SLC12A6: variants seen among roughly 807,000 people sequenced by gnomAD.
SLC12A6 encodes K-Cl cotransporter 3.
Under a neutral mutation model 135.3 loss-of-function variants are expected in SLC12A6, and 66 were observed. The observed-to-expected ratio is 0.49, with a 90% confidence interval of 0.40 to 0.60. The LOEUF is 0.60. Among genes scored for constraint, SLC12A6 ranks in the 20% least tolerant of loss-of-function variants. The pLI is 0.00. For missense variants in SLC12A6, 1,058 were observed against 1,452.3 expected (o/e 0.73, Z 4.41); for synonymous variants, 513 against 508.8 (o/e 1.01, Z -0.11).
chr15:34,277,082 C>T (rs1894345920), intron 2 of SLC12A6, among the ~76,000 whole-genome samples: 1 of 152,120 alleles, frequency 6.6e-6, no homozygotes, highest in Non-Finnish European at 1.5e-5. Flanking sequence ...TTTCCCCAAA[C>T]ATACCAGCAA....
intron 4 of SLC12A6, 138 bp downstream of exon 4, chr15:34,260,788 T>A: frequency 1.6e-6 from 1 of 626,386 alleles, no homozygotes; most frequent in Non-Finnish European, 2.9e-6. Context: ...AAATTTACTA[T>A]AATAACAAGT....
chr15:34,315,599 C>G (rs1470216472), intron 2 of SLC12A6, among the ~76,000 whole-genome samples: 1 of 152,046 alleles, frequency 6.6e-6, no homozygotes, highest in Non-Finnish European at 1.5e-5. Flanking sequence ...AAGGTATGTA[C>G]ACTGTTTTTT....
chr15:34,245,422 TA>T lies in SLC12A6; in HGVS notation c.1825-20del, dbSNP rs773265201. The T allele has an allele frequency of 1.5e-6, 2 of 1,361,116 alleles. No homozygotes were observed. Among genetic ancestry groups the T allele is most frequent in the South Asian group, 2.3e-5 (2 of 86,036 alleles). The allele number at this position is 1,361,116 out of a possible 1,614,324, so 84.3% of individuals were successfully genotyped here. A position where few individuals can be genotyped will look rare whatever the true frequency, so the allele number is the denominator to read the frequency against. ...CAAAAACCTGTACACAGAAGGGAAATATCAGGCACAGGAGTACTGAGTCATT... is the reference window on the plus strand; with the variant it reads ...CAAAAACCTGTACACAGAAGGGAAATTCAGGCACAGGAGTACTGAGTCATT... On this transcript the variant is annotated intron_variant, in intron 14 of 25. Coordinates refer to ENST00000354181, the MANE Select transcript of SLC12A6 (RefSeq NM_001365088.1).
intron 3 of SLC12A6, among the ~76,000 whole-genome samples, chr15:34,261,499 C>T (rs887510734): frequency 6.6e-6 from 1 of 152,090 alleles, no homozygotes; most frequent in African/African-American, 2.4e-5. Context: ...GGGTTCACCA[C>T]GTTGGCCAGG....
At chr15:34,310,134 G>A (rs1888049243) in intron 2 of SLC12A6, among the ~76,000 whole-genome samples, 2 of 151,688 alleles carry the variant, frequency 1.3e-5, no homozygotes, top group South Asian at 4.2e-4. Flanking sequence ...TCAGCCTTCC[G>A]AGTAGCTGGG....
intron 13 of SLC12A6, among the ~76,000 whole-genome samples, chr15:34,249,169 A>G (rs1892213322): frequency 6.6e-6 from 1 of 152,246 alleles, no homozygotes; most frequent in Admixed American, 6.5e-5. Context: ...GATTATTACA[A>G]TAACATAGGC....
Position 34,245,322 on chromosome 15 carries a change from T to G in SLC12A6, c.1906A>C (p.Ile636Leu), listed in dbSNP as rs755201886. The G allele has an allele frequency of 3.7e-6, 6 of 1,611,154 alleles. No homozygotes were observed. The highest frequency in any genetic ancestry group is 5.1e-6 in the Non-Finnish European group (6 of 1,177,294). ...TAAIAELGILIASLDLVAPIL... is the reference protein window; with the variant it reads ...TAAIAELGILLASLDLVAPIL... ...GGGGCCACAAGATCCAGGGAGGCAA[T>G]GAGTATTCCAAGCTCTGCAATGGCA... Residue 636 changes from isoleucine to leucine, a missense_variant, in exon 15 of 26, where the codon ATT becomes CTT. By Grantham distance (5) the Ile-to-Leu change is conservative. Transcript: ENST00000354181.
chr15:34,257,290 T>C (rs1892819831), intron 6 of SLC12A6, among the ~76,000 whole-genome samples: 1 of 152,230 alleles, frequency 6.6e-6, no homozygotes, highest in African/African-American at 2.4e-5. Flanking sequence ...TCTCAATATA[T>C]ACTGGAGTGA....
intron 3 of SLC12A6, among the ~76,000 whole-genome samples, chr15:34,268,645 C>T (rs1267743913): frequency 1.3e-5 from 2 of 152,052 alleles, no homozygotes; most frequent in East Asian, 1.9e-4. Flanking sequence ...GTTGTGACCC[C>T]AAGAAATACC....
chr15:34,257,780 T>G lies in SLC12A6; in HGVS notation c.552A>C (p.Gln184His), dbSNP rs201113212. ...GGTAGACACCCATGAAGGTACCCAT[T>G]TGGGGGGTCTAGAAAGAAAGACATT... ...EGKKKPTKTP[Q>H]MGTFMGVYLP... The change falls in exon 6 of 26, where the codon CAA (glutamine) becomes CAC (histidine). Residue 184 changes from glutamine (Q) to histidine (H), a missense_variant. By Grantham distance (24) the Gln-to-His change is conservative (BLOSUM62 0). Coordinates refer to ENST00000354181, the MANE Select transcript of SLC12A6 (RefSeq NM_001365088.1). 6.2e-7 allele frequency: 1 copy of G among 1,603,720 alleles called. No individual in the cohort carries two copies. Among genetic ancestry groups the G allele is most frequent in the Admixed American group, 1.7e-5 (1 of 59,982 alleles).
intron 2 of SLC12A6, among the ~76,000 whole-genome samples, chr15:34,290,819 T>C (rs1895464867): frequency 6.6e-6 from 1 of 152,172 alleles, no homozygotes; most frequent in African/African-American, 2.4e-5. Flanking sequence ...TTTATTTTTG[T>C]TTTTCATTTC....
At chr15:34,299,006 T>C (rs1896066713) in intron 2 of SLC12A6, among the ~76,000 whole-genome samples, 1 of 152,228 alleles carries the variant, frequency 6.6e-6, no homozygotes, top group Non-Finnish European at 1.5e-5. Flanking sequence ...CAAGTGACAC[T>C]GCCAGGAGAC....
At chr15:34,239,971 T>G (rs1891531702) in intron 19 of SLC12A6, among the ~76,000 whole-genome samples, 1 of 152,266 alleles carries the variant, frequency 6.6e-6, no homozygotes, top group South Asian at 2.1e-4. Context: ...TTTAAATACT[T>G]TAAGTTTTAG....
At chr15:34,333,088 A>G (rs143073054) in intron 2 of SLC12A6, among the ~76,000 whole-genome samples, 11 of 152,262 alleles carry the variant, frequency 7.2e-5, no homozygotes, top group African/African-American at 2.6e-4. Flanking sequence ...TTTGATCAGA[A>G]TAAGATTCTA....
In SLC12A6 at chr15:34,245,460, T is replaced by G. The variant is rs949591938; in HGVS notation, c.1825-57A>C. Reference sequence around the variant, plus strand: ...AGTACTGAGTCATTGCTCTCTGATTTCTCTAGCCTACAGTTTTCAGACATC... The same window carrying G: ...AGTACTGAGTCATTGCTCTCTGATTGCTCTAGCCTACAGTTTTCAGACATC... On this transcript the variant is annotated intron_variant, in intron 14 of 25. Coordinates refer to ENST00000354181, the MANE Select transcript of SLC12A6 (RefSeq NM_001365088.1). 3 of 1,056,988 alleles carry G rather than the reference T, an allele frequency of 2.8e-6. No homozygotes were observed. In the South Asian group the frequency reaches 3.8e-5, roughly 13 times the overall value. 65.5% of individuals were successfully genotyped at this position (1,056,988 alleles called of 1,614,324 possible). A position where few individuals can be genotyped will look rare whatever the true frequency, so the allele number is the denominator to read the frequency against.
At chr15:34,294,741 T>C (rs1895767525) in intron 2 of SLC12A6, among the ~76,000 whole-genome samples, 1 of 151,942 alleles carries the variant, frequency 6.6e-6, no homozygotes, top group African/African-American at 2.4e-5. Flanking sequence ...CTAATTTATT[T>C]GGTAGAGACA....
In SLC12A6 at chr15:34,234,040, T is replaced by C. The variant is rs879011763; in HGVS notation, c.3362-68A>G. ...CTTAAAACCTGGCATCATCATAATCTGAGGTTATCTGATCATAGAGCTACA... is the reference window on the plus strand; with the variant it reads ...CTTAAAACCTGGCATCATCATAATCCGAGGTTATCTGATCATAGAGCTACA... On this transcript the variant is annotated intron_variant, in intron 25 of 25. Transcript: ENST00000354181. 6.0e-5 allele frequency: 49 copies of C among 813,556 alleles called. 1 individual carries two copies. The South Asian group carries it at 6.3e-4, about 10-fold the overall frequency. 50.4% of individuals were successfully genotyped at this position (813,556 alleles called of 1,614,324 possible).
intron 2 of SLC12A6, among the ~76,000 whole-genome samples, chr15:34,319,525 G>A (rs898866235): frequency 1.3e-5 from 2 of 152,078 alleles, no homozygotes; most frequent in African/African-American, 4.8e-5. Context: ...ACGGCTGTGC[G>A]CCGTTGCTCA....
intron 2 of SLC12A6, among the ~76,000 whole-genome samples, chr15:34,329,073 C>G (rs1889665932): frequency 6.6e-6 from 1 of 152,208 alleles, no homozygotes. Context: ...AACTTTCATA[C>G]CTACTCCTCA....
Sources: gnomAD v4.1 joint callset for allele counts (sites outside exome capture counted in the v4.1 genomes callset) on GRCh38, gnomAD v4.1.1 for gene constraint, MANE v1.5 for transcripts, NCBI Gene and HGNC (gene_info 2026-07-23, HGNC 2026-07-21) for gene names.